Variants in GTPBP6 observed in about 807,000 individuals in gnomAD.
GTPBP6 encodes the protein putative GTP-binding protein 6.
GTPBP6 carries 33 observed loss-of-function variants against 28.9 expected under a neutral mutation model. The ratio of observed to expected loss-of-function variants is 1.14; its 90% CI spans 0.87 to 1.53. The LOEUF is 1.53. Ranked by LOEUF, GTPBP6 falls within the 40% of genes most tolerant of loss-of-function variation. The pLI is 0.00. For synonymous variants in GTPBP6, 231 were observed against 192.7 expected (o/e 1.20, Z -1.65); for missense variants, 507 against 408.3 (o/e 1.24, Z -2.08).
In GTPBP6 at chrX:311,476, C is replaced by G. The variant is rs1372517741; in HGVS notation, c.1068G>C (p.Gln356His). ...AGGACTCGATGAGGCCGTGCGGCAG[C>G]TGGGAGAGGAAGCCGATGGTGTCCA... is the stretch of plus-strand genomic sequence containing the variant. The change falls in exon 7 of 10, where the codon CAG becomes CAC. Residue 356 changes from glutamine to histidine, a missense_variant. Gln to His is a conservative substitution (Grantham distance 24). Transcript: ENST00000326153. 1.9e-6 allele frequency: 3 copies of G among 1,595,112 alleles called. No homozygotes were observed. The Admixed American group carries it at 5.3e-5, about 28-fold the overall frequency.
At chrX:307,551 G>A (rs781260596) in intron 8 of GTPBP6, 39 bp from the exon 9 acceptor site, 8 of 1,600,668 alleles carry the variant, frequency 5.0e-6, no homozygotes, top group African/African-American at 4.0e-5. Flanking sequence ...GCTCAGCGTC[G>A]GGGCGGCCGG....
chrX:311,625 T>C (rs771491880), exon 7 of GTPBP6: 1 of 1,611,204 alleles, frequency 6.2e-7, no homozygotes. Context: ...AGCGTGGTCT[T>C]TCCTAGGAGG....
At chrX:305,156 A>G in exon 10 of GTPBP6, 1 of 1,613,716 alleles carries the variant, frequency 6.2e-7, no homozygotes, top group Non-Finnish European at 8.5e-7. Flanking sequence ...GTCCTCAGGG[A>G]TCACGTCCAC....
At chrX:314,711 C>T (rs1478994456) in intron 4 of GTPBP6, among the ~76,000 whole-genome samples, 179 bp downstream of exon 4, 30 of 151,902 alleles carry the variant, frequency 2.0e-4, no homozygotes, top group African/African-American at 2.9e-4. Context: ...CTCGTGACCT[C>T]GTGATCCGCC....
rs1255264718 is a variant in GTPBP6 at position 304,877 on chromosome X, G to A, written c.*197C>T. Reference sequence around the variant, plus strand: ...TCAGGCTTGGAGTGGACGCTCGGGCGGCCCGCTTTGGGGCAGGTGCGGCCG... The same window carrying A: ...TCAGGCTTGGAGTGGACGCTCGGGCAGCCCGCTTTGGGGCAGGTGCGGCCG... On this transcript the variant is annotated 3_prime_UTR_variant, in exon 10 of 10. Transcript: ENST00000326153. 20 of 1,434,854 alleles carry A rather than the reference G, an allele frequency of 1.4e-5. No individual in the cohort carries two copies. The South Asian group carries it at 1.8e-4, about 13-fold the overall frequency. The allele number at this position is 1,434,854 out of a possible 1,614,324, so 88.9% of individuals were successfully genotyped here.
At chrX:314,393 G>A (rs1422930771) in intron 4 of GTPBP6, among the ~76,000 whole-genome samples, 176 bp from the exon 5 acceptor site, 6 of 152,304 alleles carry the variant, frequency 3.9e-5, no homozygotes, top group Admixed American at 2.0e-4. Flanking sequence ...GTCCCGGGCC[G>A]AGGGGACCTG....
intron 9 of GTPBP6, among the ~76,000 whole-genome samples, chrX:306,805 G>A (rs977746313): frequency 6.7e-6 from 1 of 150,004 alleles, no homozygotes; most frequent in Non-Finnish European, 1.5e-5. Flanking sequence ...GCATAATTAG[G>A]CACCTGTTGT....
intron 9 of GTPBP6, among the ~76,000 whole-genome samples, chrX:305,651 A>G (rs2070146243): frequency 7.5e-6 from 1 of 133,324 alleles, no homozygotes; most frequent in Non-Finnish European, 1.5e-5. Context: ...TTTGAGACAG[A>G]GTCTCGCTCT....
chrX:315,315 G>C lies in GTPBP6; in HGVS notation c.488-16C>G. On this transcript the variant is annotated splice_polypyrimidine_tract_variant and intron_variant, in intron 2 of 9. Transcript: ENST00000326153. ...CGGATCTTTTCTAACAGAAAGAGGG[G>C]GTCCCGTCAGAGGCTGGCCGTCCAC... The C allele has an allele frequency of 2.5e-6, 1 of 398,472 alleles. No individual in the cohort carries two copies. Among genetic ancestry groups the C allele is most frequent in the South Asian group, 1.3e-4 (1 of 7,854 alleles). 24.7% of individuals were successfully genotyped at this position (398,472 alleles called of 1,614,324 possible). A position where few individuals can be genotyped will look rare whatever the true frequency, so the allele number is the denominator to read the frequency against.
At chrX:314,045 AGCTGGACCCCAC>A in intron 5 of GTPBP6, 93 bp downstream of exon 5, 1 of 900,846 alleles carries the variant, frequency 1.1e-6, no homozygotes, top group Admixed American at 1.9e-5. Context: ...CGGAGACCCC[AGCTGGACCCCAC>A]CCTGTTGGAA....
intron 7 of GTPBP6, among the ~76,000 whole-genome samples, chrX:311,053 C>G (rs745639014): frequency 6.6e-6 from 1 of 152,088 alleles, no homozygotes; most frequent in Non-Finnish European, 1.5e-5. Context: ...TACACGGGCT[C>G]ACGGCGGCAA....
intron 7 of GTPBP6, among the ~76,000 whole-genome samples, chrX:309,899 G>C: frequency 6.8e-6 from 1 of 147,050 alleles, no homozygotes; most frequent in East Asian, 2.0e-4. Flanking sequence ...GATTAGGGTG[G>C]ACCCTAAATC....
intron 9 of GTPBP6, among the ~76,000 whole-genome samples, chrX:306,855 A>G (rs188972917): frequency 2.8e-4 from 40 of 140,992 alleles, no homozygotes; most frequent in South Asian, 7.6e-4. Flanking sequence ...GTCAGCACAG[A>G]TTAGGCACCT....
At chrX:308,815 A>C (rs1300599098) in intron 7 of GTPBP6, among the ~76,000 whole-genome samples, 4 of 149,596 alleles carry the variant, frequency 2.7e-5, no homozygotes, top group Middle Eastern at 3.4e-3. Context: ...GCTCACTGCA[A>C]GCTCCGCCTC....
chrX:313,285 A>T (rs1028905635), intron 5 of GTPBP6, among the ~76,000 whole-genome samples: 3 of 152,196 alleles, frequency 2.0e-5, no homozygotes, highest in African/African-American at 7.2e-5. Context: ...GAACCTGGGA[A>T]TGGGACCTGA....
chrX:309,662 C>T (rs1014306380), intron 7 of GTPBP6, among the ~76,000 whole-genome samples: 2 of 151,754 alleles, frequency 1.3e-5, no homozygotes, highest in Non-Finnish European at 2.9e-5. Context: ...GTGGTGCGGC[C>T]ACAAGCCCAG....
In GTPBP6 at chrX:313,238, C is replaced by T. The variant is rs1478759959; in HGVS notation, c.758-314G>A. On this transcript the variant is annotated intron_variant, in intron 5 of 9. Coordinates refer to ENST00000326153, the Ensembl canonical transcript of GTPBP6. ...ACACGGCCCAGGACGTCATCGTGAGCGGGCTCAGTGGGGCCCCTTTCACAT... is the reference window on the plus strand; with the variant it reads ...ACACGGCCCAGGACGTCATCGTGAGTGGGCTCAGTGGGGCCCCTTTCACAT... Among the ~76,000 whole-genome samples, 8 of 152,236 alleles carry T rather than the reference C, an allele frequency of 5.3e-5. No homozygotes were observed. The South Asian group carries it at 6.2e-4, about 12-fold the overall frequency.
Position 316,907 on chromosome X carries a change from G to C in GTPBP6, c.487+7C>G. 2.5e-6 allele frequency: 1 copy of C among 398,630 alleles called. No individual in the cohort carries two copies. Among genetic ancestry groups the C allele is most frequent in the Non-Finnish European group, 4.4e-6 (1 of 226,096 alleles). The allele number at this position is 398,630 out of a possible 1,614,324, so 24.7% of individuals were successfully genotyped here. ...TTTGGGGAAGGAGCAGGTCTGGACG[G>C]ACCCACCTGTCAGGTGCTCAAAGTT... On this transcript the variant is annotated splice_region_variant and intron_variant, in intron 2 of 9. Transcript: ENST00000326153.
In GTPBP6 at chrX:315,813, G is replaced by GACACAC. The variant is rs1170984270; in HGVS notation, c.488-520_488-515dup. ...AGGGACACAAACACATACACACGCA[G>GACACAC]ACACACACACACACACACAGTAAAC... On this transcript the variant is annotated intron_variant, in intron 2 of 9. Transcript: ENST00000326153. Among the ~76,000 whole-genome samples, 10 of 1,108 alleles carry GACACAC rather than the reference G, an allele frequency of 9.0e-3. 4 individuals carry two copies. Among genetic ancestry groups the GACACAC allele is most frequent in the African/African-American group, 0.011 (8 of 718 alleles). 0.7% of individuals were successfully genotyped at this position (1,108 alleles called of 152,430 possible).
Sources: allele counts gnomAD v4.1 joint callset (sites outside exome capture counted in the v4.1 genomes callset), GRCh38; gene constraint gnomAD v4.1.1; transcripts MANE v1.5; gene names NCBI Gene and HGNC (gene_info 2026-07-23, HGNC 2026-07-21).